The following SLC6A2 variants were observed in gnomAD, a reference collection of about 807,000 sequenced individuals.
The protein encoded by SLC6A2 is solute carrier family 6 member 2, also known as sodium-dependent noradrenaline transporter.
In SLC6A2, 26 loss-of-function variants were observed where a neutral mutation model predicts 71.7. The observed-to-expected ratio is 0.36, with a 90% CI of 0.27 to 0.50. SLC6A2 has a LOEUF of 0.50. Ranked by LOEUF, SLC6A2 falls within the 20% of genes least tolerant of loss-of-function variation. The pLI is 0.96. For missense variants in SLC6A2, 581 were observed against 803.9 expected, an observed-to-expected ratio of 0.72 and a Z score of 3.35; for synonymous variants, 363 against 337.9, an observed-to-expected ratio of 1.07 and a Z score of -0.82.
At chr16:55,671,407 A>C (rs538810987) in intron 3 of SLC6A2, among the ~76,000 whole-genome samples, 107 of 152,260 alleles carry the variant, frequency 7.0e-4, no homozygotes, top group Middle Eastern at 6.8e-3. Flanking sequence ...CTCTCGGGCA[A>C]AGAGATGGCA....
chr16:55,700,146 T>C lies in SLC6A2; in HGVS notation c.1598T>C (p.Val533Ala). 6.2e-7 allele frequency: 1 copy of C among 1,614,034 alleles called. No individual in the cohort carries two copies. Among genetic ancestry groups the C allele is most frequent in the Non-Finnish European group, 8.5e-7 (1 of 1,179,948 alleles). Residue 533 changes from valine to alanine, a missense_variant, in exon 13 of 15, where the codon GTT (valine) becomes GCT (alanine). Physicochemically the swap from Val to Ala is moderately conservative, Grantham distance 64. Transcript: ENST00000568943. The part of the protein sequence containing the change: ...FVSPAFLLFV[V>A]VVSIINFKPL... Reference sequence around the variant, plus strand: ...TTCTCTGCCCATCTCTAGTTCGTGGTTGTGGTCAGCATCATCAACTTCAAG... The same window carrying C: ...TTCTCTGCCCATCTCTAGTTCGTGGCTGTGGTCAGCATCATCAACTTCAAG...
intron 3 of SLC6A2, chr16:55,671,651 A>G (rs1964918751): frequency 3.4e-6 from 2 of 593,974 alleles, no homozygotes; most frequent in Non-Finnish European, 5.9e-6. Context: ...CCTACTGTGA[A>G]CTGCGCATGC....
chr16:55,672,281 A>G (rs148902533), intron 4 of SLC6A2, 106 bp downstream of exon 4: 2 of 1,591,764 alleles, frequency 1.3e-6, no homozygotes, highest in East Asian at 4.5e-5. Context: ...TGCCGTCAGG[A>G]TATTAATGTT....
At position 55,703,230 on chromosome 16, in the gene SLC6A2, G is replaced by A. The variant is rs1181408606; in HGVS notation, c.*884G>A. ...TCCTGAGACCTGCCTGGGGAAACGG[G>A]GGCAGGGACCAAGTGAGGCCTCATG... On this transcript the variant is annotated 3_prime_UTR_variant, in exon 15 of 15. Transcript: ENST00000568943. 3.0e-6 allele frequency: 3 copies of A among 985,242 alleles called. No individual in the cohort carries two copies. The African/African-American group carries it at 5.2e-5, about 17-fold the overall frequency. The allele number at this position is 985,242 out of a possible 1,614,324, so 61.0% of individuals were successfully genotyped here.
At position 55,669,587 on chromosome 16, in the gene SLC6A2, A is replaced by T; in HGVS notation, c.297A>T (p.Thr99=). The change falls in exon 3 of 15, where the codon ACA becomes ACT. Residue 99 remains threonine (T), a synonymous_variant. Coordinates refer to ENST00000568943, the MANE Select transcript of SLC6A2 (RefSeq NM_001172501.3). ...NGGGAFLIPY[T]LFLIIAGMPL... is the part of the protein sequence containing the mutation. ...CAGGTGCCTTCTTGATCCCGTACAC[A>T]CTGTTCCTTATCATCGCGGGGATGC... 6.2e-7 allele frequency: 1 copy of T among 1,613,918 alleles called. No homozygotes were observed. Among genetic ancestry groups the T allele is most frequent in the South Asian group, 1.1e-5 (1 of 91,060 alleles).
At chr16:55,665,748 T>G (rs1964731550) in intron 2 of SLC6A2, among the ~76,000 whole-genome samples, 1 of 152,124 alleles carries the variant, frequency 6.6e-6, no homozygotes, top group Non-Finnish European at 1.5e-5. Flanking sequence ...CATCCCACTC[T>G]AAACCTAATG....
chr16:55,699,041 G>A (rs1283881347), intron 11 of SLC6A2, among the ~76,000 whole-genome samples: 1 of 152,128 alleles, frequency 6.6e-6, no homozygotes, highest in Non-Finnish European at 1.5e-5. Context: ...GAACAGAACT[G>A]AGAGAATATT....
Position 55,676,685 on chromosome 16 carries a change from A to G in SLC6A2, c.644+4510A>G, listed in dbSNP as rs9925429. On this transcript the variant is annotated intron_variant, in intron 4 of 14. Coordinates refer to ENST00000568943, the MANE Select transcript of SLC6A2 (RefSeq NM_001172501.3). The stretch of plus-strand genomic sequence containing the variant: ...ATTGTCATGGTCACACATCACATTT[A>G]CCCAGCTTGGATTGTATTCCAGCCA... Among the ~76,000 whole-genome samples, 1,505 of 152,266 alleles carry G rather than the reference A, an allele frequency of 9.9e-3. 26 individuals are homozygous for G. Among genetic ancestry groups the G allele is most frequent in the African/African-American group, 0.034 (1,431 of 41,532 alleles).
chr16:55,671,999 C>G lies in SLC6A2; in HGVS notation c.468C>G (p.Ile156Met). The stretch of plus-strand genomic sequence containing the variant: ...TTGGCTTCTACTACAACGTCATCAT[C>G]GCCTGGTCACTCTACTACCTCTTCT... ...LYVGFYYNVI[I>M]AWSLYYLFSS... Residue 156 changes from isoleucine (I) to methionine (M), a missense_variant, in exon 4 of 15, where the codon ATC becomes ATG. Coordinates refer to ENST00000568943, the MANE Select transcript of SLC6A2 (RefSeq NM_001172501.3). The G allele has an allele frequency of 6.2e-7, 1 of 1,614,118 alleles. No individual in the cohort carries two copies. The highest frequency in any genetic ancestry group is 8.5e-7 in the Non-Finnish European group (1 of 1,180,036).
Position 55,702,437 on chromosome 16 carries a change from C to T in SLC6A2, c.*91C>T, listed in dbSNP as rs533872418. 2.2e-4 allele frequency: 360 copies of T among 1,610,798 alleles called. 1 individual carries two copies. The South Asian group carries it at 3.4e-3, about 15-fold the overall frequency. On this transcript the variant is annotated 3_prime_UTR_variant, in exon 15 of 15. Coordinates refer to ENST00000568943, the MANE Select transcript of SLC6A2 (RefSeq NM_001172501.3). ...CCACCTCGGACACCATCTTGGGATT[C>T]CTCCCCTGGAAGTTGTCCTTTCTGA...
intron 6 of SLC6A2, among the ~76,000 whole-genome samples, chr16:55,692,692 G>T (rs1965672526): frequency 6.6e-6 from 1 of 152,092 alleles, no homozygotes; most frequent in Non-Finnish European, 1.5e-5. Flanking sequence ...CCTCTTGCAG[G>T]GCCCCTCAGT....
Position 55,702,917 on chromosome 16 carries a change from T to A in SLC6A2, c.*571T>A. 1.0e-6 allele frequency: 1 copy of A among 989,582 alleles called. No individual in the cohort carries two copies. The highest frequency in any genetic ancestry group is 1.2e-6 in the Non-Finnish European group (1 of 832,532). 61.3% of individuals were successfully genotyped at this position (989,582 alleles called of 1,614,324 possible). ...TTATTTGTCTCTAAAATGAAGTCAG[T>A]GGATAGATGCTTTGAGGGATTTTGA... On this transcript the variant is annotated 3_prime_UTR_variant, in exon 15 of 15. Coordinates refer to ENST00000568943, the MANE Select transcript of SLC6A2 (RefSeq NM_001172501.3).
intron 4 of SLC6A2, among the ~76,000 whole-genome samples, chr16:55,678,717 G>A (rs1965173877): frequency 6.6e-6 from 1 of 152,184 alleles, no homozygotes; most frequent in Non-Finnish European, 1.5e-5. Context: ...TTAATCATCT[G>A]TGCTAAATAT....
intron 2 of SLC6A2, among the ~76,000 whole-genome samples, chr16:55,661,030 C>T (rs771014917): frequency 3.3e-5 from 5 of 152,228 alleles, no homozygotes; most frequent in African/African-American, 4.8e-5. Flanking sequence ...GGGAAAGCCA[C>T]TCTCAGAAAT....
Position 55,695,442 on chromosome 16 carries a change from G to A in SLC6A2, c.1147+40G>A, listed in dbSNP as rs540650559. 2.3e-4 allele frequency: 376 copies of A among 1,611,876 alleles called. 6 individuals carry two copies. In the South Asian group the frequency reaches 3.5e-3, roughly 15 times the overall value. ...CACCTGGGCCCCAGCCCACTGAGGCGGGAGCTGAGAAGCCCACCTTATTCT... is the reference window on the plus strand; with the variant it reads ...CACCTGGGCCCCAGCCCACTGAGGCAGGAGCTGAGAAGCCCACCTTATTCT... On this transcript the variant is annotated intron_variant, in intron 8 of 14. Coordinates refer to ENST00000568943, the MANE Select transcript of SLC6A2 (RefSeq NM_001172501.3).
Position 55,700,287 on chromosome 16 carries a change from C to T in SLC6A2, c.1739C>T (p.Thr580Met), listed in dbSNP as rs148686754. ...TACGTCATCTATAAGTTCCTCAGCA[C>T]GCAGGGCTCTCTTTGGGAGGTGAGC... Reference protein sequence around the residue: ...PIYVIYKFLSTQGSLWERLAY... With the variant: ...PIYVIYKFLSMQGSLWERLAY... Residue 580 changes from threonine to methionine, a missense_variant, in exon 13 of 15, where the codon ACG becomes ATG. By Grantham distance (81) the Thr-to-Met change is moderately conservative. Transcript: ENST00000568943. 1.8e-4 allele frequency: 284 copies of T among 1,613,578 alleles called. 2 individuals are homozygous for T. The highest frequency in any genetic ancestry group is 5.8e-4 in the South Asian group (53 of 91,052).
At chr16:55,697,834 G>A (rs1311029295) in intron 9 of SLC6A2, 63 bp from the exon 10 acceptor site, 3 of 1,596,362 alleles carry the variant, frequency 1.9e-6, no homozygotes, top group African/African-American at 2.7e-5. Context: ...GAACCCTGGG[G>A]CCTGAGACTG....
chr16:55,681,247 C>T (rs768988478), intron 4 of SLC6A2, among the ~76,000 whole-genome samples: 1 of 152,220 alleles, frequency 6.6e-6, no homozygotes, highest in Non-Finnish European at 1.5e-5. Flanking sequence ...TCATCACAGC[C>T]CTTTCACTGA....
intron 9 of SLC6A2, among the ~76,000 whole-genome samples, chr16:55,696,700 G>A (rs144904616): frequency 1.3e-5 from 2 of 152,276 alleles, no homozygotes; most frequent in Non-Finnish European, 2.9e-5. Context: ...ATAATCAATA[G>A]GCCAGGCATG....
Sources: allele counts gnomAD v4.1 joint callset (sites outside exome capture counted in the v4.1 genomes callset), GRCh38; gene constraint gnomAD v4.1.1; transcripts MANE v1.5; gene names NCBI Gene and HGNC (gene_info 2026-07-23, HGNC 2026-07-21).